Variants in CPQ observed in about 807,000 individuals in gnomAD.
The protein encoded by CPQ is carboxypeptidase Q, also known as Ser-Met dipeptidase.
A neutral mutation model predicts 45.7 loss-of-function variants in CPQ; 37 were observed. The ratio of observed to expected loss-of-function variants is 0.81; its 90% CI spans 0.62 to 1.07. The LOEUF (loss-of-function observed/expected upper bound fraction) is 1.07. Ranked by LOEUF, CPQ falls within the 50% of genes least tolerant of loss-of-function variation. The pLI, the probability that CPQ is intolerant of heterozygous loss-of-function variation, is 0.00. For missense variants in CPQ, 537 were observed against 572.9 expected (o/e 0.94, Z 0.64); for synonymous variants, 186 against 205.8 (o/e 0.90, Z 0.82).
At chr8:96,938,004 T>G in intron 4 of CPQ, among the ~76,000 whole-genome samples, 1 of 152,202 alleles carries the variant, frequency 6.6e-6, no homozygotes, top group African/African-American at 2.4e-5. Flanking sequence ...AAATTTTGTT[T>G]TGCCCAAAAA....
chr8:96,871,259 A>G (rs149517338), intron 3 of CPQ, among the ~76,000 whole-genome samples: 269 of 152,202 alleles, frequency 1.8e-3, no homozygotes, highest in Middle Eastern at 3.4e-3. Context: ...ATAAACAGTT[A>G]AAACATTAAC....
At chr8:96,741,466 C>G (rs1001831693) in intron 1 of CPQ, among the ~76,000 whole-genome samples, 20 of 152,118 alleles carry the variant, frequency 1.3e-4, no homozygotes, top group African/African-American at 3.6e-4. Context: ...TTTTGTGTCT[C>G]TATTTCCTTC....
At position 96,704,396 on chromosome 8, in the gene CPQ, A is replaced by G. The variant is rs117609158; in HGVS notation, c.-35+58994A>G. 1.2e-3 allele frequency among the ~76,000 whole-genome samples: 180 copies of G among 152,272 alleles called. 2 individuals are homozygous for G. The East Asian group carries it at 0.025, about 21-fold the overall frequency. On this transcript the variant is annotated intron_variant, in intron 1 of 7. Coordinates refer to ENST00000220763, the MANE Select transcript of CPQ (RefSeq NM_016134.4). ...CTTAATAAATGTTCGTTCTTATTTA[A>G]TTATAGTTATGGTAATGCTAGGAAG...
In CPQ at chr8:97,101,470, A is replaced by ATC. The variant is rs143589471; in HGVS notation, c.1255+35274_1255+35275dup. Reference sequence around the variant, plus strand: ...ATACTATATATGTAGAAGATATACTATCTCTCTCTCTCTCTGTTTCTCTCC... The same window carrying ATC: ...ATACTATATATGTAGAAGATATACTATCTCTCTCTCTCTCTCTGTTTCTCTCC... On this transcript the variant is annotated intron_variant, in intron 7 of 7. Coordinates refer to ENST00000220763, the MANE Select transcript of CPQ (RefSeq NM_016134.4). Among the ~76,000 whole-genome samples, 560 of 150,024 alleles carry ATC rather than the reference A, an allele frequency of 3.7e-3. 1 individual carries two copies. Among genetic ancestry groups the ATC allele is most frequent in the African/African-American group, 0.012 (512 of 41,082 alleles).
At chr8:97,089,081 C>CA (rs1426408638) in intron 7 of CPQ, among the ~76,000 whole-genome samples, 1 of 151,434 alleles carries the variant, frequency 6.6e-6, no homozygotes, top group African/African-American at 2.4e-5. Context: ...CCATCTCTAC[C>CA]AAAAATACAA....
At chr8:96,888,334 AATCC>A (rs1812329554) in intron 4 of CPQ, among the ~76,000 whole-genome samples, 2 of 152,200 alleles carry the variant, frequency 1.3e-5, no homozygotes, top group African/African-American at 4.8e-5. Flanking sequence ...TGAGTGGCTT[AATCC>A]TTCATCTATA....
chr8:97,068,958 A>C (rs779931695), intron 7 of CPQ, among the ~76,000 whole-genome samples: 63 of 152,332 alleles, frequency 4.1e-4, no homozygotes, highest in Middle Eastern at 3.4e-3. Flanking sequence ...AATCTCCGGC[A>C]GTGTCTAAAA....
chr8:96,718,427 C>T (rs982123910), intron 1 of CPQ, among the ~76,000 whole-genome samples: 6 of 152,102 alleles, frequency 3.9e-5, no homozygotes, highest in East Asian at 1.9e-4. Flanking sequence ...GTGAGTGTTA[C>T]AGCTCTTAAG....
chr8:96,947,335 C>T (rs1399585528), intron 4 of CPQ, among the ~76,000 whole-genome samples: 1 of 152,132 alleles, frequency 6.6e-6, no homozygotes, highest in Non-Finnish European at 1.5e-5. Flanking sequence ...TTGTTATGTA[C>T]ACCCTATGGT....
intron 4 of CPQ, among the ~76,000 whole-genome samples, chr8:96,904,355 G>A (rs1812549826): frequency 6.6e-6 from 1 of 152,084 alleles, no homozygotes; most frequent in African/African-American, 2.4e-5. Flanking sequence ...TTTGCCTTTG[G>A]GATGCCTTAT....
chr8:96,852,256 G>A (rs1297151741), intron 3 of CPQ, among the ~76,000 whole-genome samples: 1 of 152,112 alleles, frequency 6.6e-6, no homozygotes, highest in African/African-American at 2.4e-5. Flanking sequence ...GCTGTCAAAA[G>A]CATATCACAT....
rs190958551 is a variant in CPQ, at chr8:96,891,383, C to A, written c.849+11378C>A. Among the ~76,000 whole-genome samples the A allele has an allele frequency of 6.6e-5, 10 of 152,296 alleles. No individual in the cohort carries two copies. The East Asian group carries it at 1.9e-3, about 29-fold the overall frequency. Reference sequence around the variant, plus strand: ...CTGAGGAATGGTGCCATATCGAGGGCTCAGTGTTGGTCCCGGCTGCTGGCA... The same window carrying A: ...CTGAGGAATGGTGCCATATCGAGGGATCAGTGTTGGTCCCGGCTGCTGGCA... On this transcript the variant is annotated intron_variant, in intron 4 of 7. Coordinates refer to ENST00000220763, the MANE Select transcript of CPQ (RefSeq NM_016134.4).
rs982727784 is a variant in CPQ at position 97,091,372 on chromosome 8, T to G, written c.1255+25162T>G. Among the ~76,000 whole-genome samples the G allele has an allele frequency of 2.0e-5, 3 of 152,324 alleles. No individual in the cohort carries two copies. The East Asian group carries it at 5.8e-4, about 29-fold the overall frequency. ...CTAGTTTTGACTGACTTCAGTACAGTCACAGAGTGACCTTGTCTGTTGCTG... is the reference window on the plus strand; with the variant it reads ...CTAGTTTTGACTGACTTCAGTACAGGCACAGAGTGACCTTGTCTGTTGCTG... On this transcript the variant is annotated intron_variant, in intron 7 of 7. Transcript: ENST00000220763.
intron 7 of CPQ, among the ~76,000 whole-genome samples, chr8:97,123,177 T>TAA (rs1395817726): frequency 1.3e-4 from 3 of 23,750 alleles, no homozygotes; most frequent in African/African-American, 5.8e-4. Flanking sequence ...TAAAATAAAA[T>TAA]ATAAAATAAA....
At chr8:96,745,030 C>G (rs2130781910) in intron 1 of CPQ, among the ~76,000 whole-genome samples, 1 of 152,198 alleles carries the variant, frequency 6.6e-6, no homozygotes, top group East Asian at 1.9e-4. Flanking sequence ...ATACAGGAGG[C>G]TGGGTGCAGT....
chr8:96,667,793 G>A (rs1808946082), intron 1 of CPQ, among the ~76,000 whole-genome samples: 1 of 152,022 alleles, frequency 6.6e-6, no homozygotes, highest in Admixed American at 6.5e-5. Flanking sequence ...ATCCTTCAAA[G>A]TGTGTCTGAA....
At chr8:96,748,133 T>C (rs1409571237) in intron 1 of CPQ, among the ~76,000 whole-genome samples, 1 of 152,240 alleles carries the variant, frequency 6.6e-6, no homozygotes, top group Non-Finnish European at 1.5e-5. Flanking sequence ...CTATTTCTTT[T>C]GTGCATTACT....
chr8:96,924,283 C>T (rs544584670), intron 4 of CPQ, among the ~76,000 whole-genome samples: 1 of 152,150 alleles, frequency 6.6e-6, no homozygotes, highest in African/African-American at 2.4e-5. Flanking sequence ...TAAAGAGTAC[C>T]AGGGTGGGCA....
chr8:97,090,515 T>C (rs1411277304), intron 7 of CPQ, among the ~76,000 whole-genome samples: 1 of 152,214 alleles, frequency 6.6e-6, no homozygotes, highest in Non-Finnish European at 1.5e-5. Context: ...TGCTAATTCA[T>C]TTCTATAAAG....
Sources: gnomAD v4.1 joint callset for allele counts (sites outside exome capture counted in the v4.1 genomes callset) on GRCh38, gnomAD v4.1.1 for gene constraint, MANE v1.5 for transcripts, NCBI Gene and HGNC (gene_info 2026-07-23, HGNC 2026-07-21) for gene names.